PDE4D: variants seen among roughly 807,000 people sequenced by gnomAD.
The protein encoded by PDE4D is 3',5'-cyclic-AMP phosphodiesterase 4D.
In PDE4D, 24 loss-of-function variants were observed where a neutral mutation model predicts 87.4. That is an observed-to-expected ratio of 0.27 (90% CI 0.20 to 0.39). The LOEUF is 0.39. PDE4D is among the 10% of genes least tolerant of loss of function. The pLI is 1.00. For synonymous variants in PDE4D, 384 were observed against 383.2 expected (o/e 1.00, Z -0.02); for missense variants, 714 against 1,041.0 (o/e 0.69, Z 4.32).
intron 6 of PDE4D, among the ~76,000 whole-genome samples, chr5:59,021,882 T>G (rs1442531907): frequency 6.6e-6 from 1 of 152,176 alleles, no homozygotes; most frequent in Non-Finnish European, 1.5e-5. Context: ...TGACAGTCTC[T>G]TTTCACCCCA....
intron 13 of PDE4D, 55 bp downstream of exon 13, chr5:58,976,295 A>G (rs1298636460): frequency 6.5e-7 from 1 of 1,548,942 alleles, no homozygotes; most frequent in Non-Finnish European, 8.8e-7. Context: ...ACACGCAGAC[A>G]TGTGCACATG....
At chr5:59,506,639 A>G (rs892668689) in intron 1 of PDE4D, among the ~76,000 whole-genome samples, 3 of 152,158 alleles carry the variant, frequency 2.0e-5, no homozygotes, top group Non-Finnish European at 4.4e-5. Context: ...AGCTAAATGG[A>G]GGAATAGTTT....
At chr5:59,058,690 C>G (rs958575230) in intron 5 of PDE4D, among the ~76,000 whole-genome samples, 13 of 152,006 alleles carry the variant, frequency 8.6e-5, no homozygotes, top group African/African-American at 3.1e-4. Flanking sequence ...ACTATGGAGG[C>G]AGCTCTCTCA....
At chr5:60,031,747 A>G (rs918214643) in intron 2 of PDE4D, among the ~76,000 whole-genome samples, 2 of 152,198 alleles carry the variant, frequency 1.3e-5, no homozygotes. Context: ...TAAACAAATA[A>G]TATGTCTTAT....
At chr5:60,230,724 A>G (rs1265712084) in intron 1 of PDE4D, among the ~76,000 whole-genome samples, 3 of 152,132 alleles carry the variant, frequency 2.0e-5, no homozygotes, top group African/African-American at 4.8e-5. Context: ...GACTAAATGA[A>G]TATGATGACA....
In PDE4D at chr5:60,502,059, A is replaced by G. The variant is rs1406978650; in HGVS notation, n.70+19992T>C. On this transcript the variant is annotated intron_variant and non_coding_transcript_variant, in intron 1 of 2. Coordinates refer to the PDE4D transcript ENST00000506510. ...TGGTTGCCATTGCTTTTGGTGTTTT[A>G]GACATGAAGTCCTTGCCCATGCCTA... Among the ~76,000 whole-genome samples, 10 of 151,984 alleles carry G rather than the reference A, an allele frequency of 6.6e-5. No individual in the cohort carries two copies. The East Asian group carries it at 1.9e-3, about 29-fold the overall frequency.
intron 1 of PDE4D, among the ~76,000 whole-genome samples, chr5:59,674,940 A>G (rs543917208): frequency 6.6e-6 from 1 of 152,348 alleles, no homozygotes; most frequent in Non-Finnish European, 1.5e-5. Context: ...CCTTAATCAC[A>G]TTCTTACTGT....
intron 2 of PDE4D, among the ~76,000 whole-genome samples, chr5:60,147,303 T>C (rs1248519431): frequency 6.6e-6 from 1 of 152,190 alleles, no homozygotes; most frequent in African/African-American, 2.4e-5. Context: ...AACTTGTTTG[T>C]TTCAACAGAC....
At chr5:59,342,048 A>G (rs1778824579) in intron 1 of PDE4D, among the ~76,000 whole-genome samples, 1 of 152,194 alleles carries the variant, frequency 6.6e-6, no homozygotes, top group African/African-American at 2.4e-5. Context: ...TGGAAGAGCC[A>G]TGATTTGAAC....
chr5:59,876,659 C>T (rs538801661), intron 1 of PDE4D, among the ~76,000 whole-genome samples: 3 of 152,248 alleles, frequency 2.0e-5, no homozygotes, highest in African/African-American at 7.2e-5. Flanking sequence ...TATGCTACTA[C>T]AAGAGGAATC....
At chr5:59,935,168 A>G (rs1243920161) in intron 3 of PDE4D, among the ~76,000 whole-genome samples, 1 of 152,116 alleles carries the variant, frequency 6.6e-6, no homozygotes, top group East Asian at 1.9e-4. Flanking sequence ...TTGGAATGAA[A>G]GACACTGATG....
chr5:60,047,617 C>T (rs527333359), intron 2 of PDE4D, among the ~76,000 whole-genome samples: 292 of 152,120 alleles, frequency 1.9e-3, no homozygotes, highest in African/African-American at 6.7e-3. Flanking sequence ...GCCTTCATTT[C>T]GTTATGTACC....
intron 1 of PDE4D, among the ~76,000 whole-genome samples, chr5:59,727,550 A>C (rs530451561): frequency 1.1e-3 from 174 of 152,214 alleles, no homozygotes; most frequent in African/African-American, 4.0e-3. Flanking sequence ...AGTGGTTAGA[A>C]CATAAACAAA....
At chr5:59,822,790 A>G (rs1215846363) in intron 1 of PDE4D, among the ~76,000 whole-genome samples, 1 of 152,138 alleles carries the variant, frequency 6.6e-6, no homozygotes, top group Non-Finnish European at 1.5e-5. Flanking sequence ...TTGTCAATTG[A>G]CTGCTTGGCA....
At chr5:59,095,997 C>T (rs1019023753) in intron 5 of PDE4D, among the ~76,000 whole-genome samples, 1 of 152,206 alleles carries the variant, frequency 6.6e-6, no homozygotes, top group African/African-American at 2.4e-5. Flanking sequence ...ATGTACAAAG[C>T]CGTGTGCTAG....
chr5:59,362,870 T>C (rs1486427395), intron 1 of PDE4D, among the ~76,000 whole-genome samples: 1 of 152,158 alleles, frequency 6.6e-6, no homozygotes, highest in Admixed American at 6.5e-5. Context: ...AAAAATCTCA[T>C]GTGCTAAATT....
intron 1 of PDE4D, among the ~76,000 whole-genome samples, chr5:60,244,190 T>C (rs1456026953): frequency 6.6e-6 from 1 of 151,792 alleles, no homozygotes; most frequent in Non-Finnish European, 1.5e-5. Context: ...ATCAAGAAAG[T>C]AGTACCATTT....
chr5:60,196,382 G>T (rs539429098), intron 1 of PDE4D, among the ~76,000 whole-genome samples: 2 of 151,810 alleles, frequency 1.3e-5, no homozygotes, highest in East Asian at 3.9e-4. Flanking sequence ...TAAATGTAGG[G>T]TCTGTTGCTT....
intron 1 of PDE4D, among the ~76,000 whole-genome samples, chr5:60,363,322 C>A (rs1760239718): frequency 1.3e-5 from 2 of 152,148 alleles, no homozygotes; most frequent in Non-Finnish European, 2.9e-5. Context: ...GTAGCTAATT[C>A]CAACAGTACC....
Sources: gnomAD v4.1 joint callset for allele counts (sites outside exome capture counted in the v4.1 genomes callset) on GRCh38, gnomAD v4.1.1 for gene constraint, MANE v1.5 for transcripts, NCBI Gene and HGNC (gene_info 2026-07-23, HGNC 2026-07-21) for gene names.